The following SDK2 variants were observed in gnomAD, a reference collection of about 807,000 sequenced individuals.
SDK2 encodes the protein protein sidekick-2.
Under a neutral mutation model 253.9 loss-of-function variants are expected in SDK2, and 105 were observed. The observed-to-expected ratio is 0.41, with a 90% CI of 0.35 to 0.49. The LOEUF (loss-of-function observed/expected upper bound fraction) is 0.49, where lower values mean the gene tolerates loss of function less well. SDK2 is among the 20% of genes least tolerant of loss of function. SDK2 has a pLI of 0.06. For synonymous variants in SDK2, 1,249 were observed against 1,234.9 expected (o/e 1.01, Z -0.24); for missense variants, 2,608 against 3,003.0 (o/e 0.87, Z 3.07).
At chr17:73,613,375 T>TCCCCCTGGCCCCAGGC (rs2046002727) in intron 1 of SDK2, among the ~76,000 whole-genome samples, 1 of 112,096 alleles carries the variant, frequency 8.9e-6, no homozygotes, top group South Asian at 3.7e-4. Context: ...GCCCTCCAGG[T>TCCCCCTGGCCCCAGGC]CCCCCTGGCC....
intron 27 of SDK2, among the ~76,000 whole-genome samples, chr17:73,393,337 C>G (rs2062943982): frequency 6.6e-6 from 1 of 151,508 alleles, no homozygotes; most frequent in South Asian, 2.1e-4. Context: ...GAGACTGAAT[C>G]AGACGTCAAA....
At chr17:73,523,473 C>T (rs1406625267) in intron 1 of SDK2, among the ~76,000 whole-genome samples, 1 of 151,794 alleles carries the variant, frequency 6.6e-6, no homozygotes, top group Non-Finnish European at 1.5e-5. Flanking sequence ...TGAGAGGGGA[C>T]TCTAATCCCA....
intron 1 of SDK2, 137 bp from the exon 2 acceptor site, chr17:73,507,734 G>T: frequency 1.1e-6 from 1 of 912,190 alleles, no homozygotes; most frequent in Non-Finnish European, 1.6e-6. Flanking sequence ...TGGCTGGGAG[G>T]GACTTGAACC....
At chr17:73,418,954 C>G (rs1314111350) in intron 16 of SDK2, among the ~76,000 whole-genome samples, 1 of 152,120 alleles carries the variant, frequency 6.6e-6, no homozygotes, top group Non-Finnish European at 1.5e-5. Flanking sequence ...TCACGCATTC[C>G]TCGCTGGTGT....
rs1247418275 is a variant in SDK2 at position 73,495,655 on chromosome 17, TA to T, written c.224+11782del. On this transcript the variant is annotated intron_variant, in intron 2 of 44. Transcript: ENST00000392650. ...GTGTGTGTGTGTGTGTTTGTTTGTG[TA>T]TGTGTGTGTGTGCATGCGTGCTATG... Among the ~76,000 whole-genome samples the T allele has an allele frequency of 1.5e-3, 229 of 152,080 alleles. 2 individuals carry two copies. Among genetic ancestry groups the T allele is most frequent in the Middle Eastern group, 3.4e-3 (1 of 294 alleles).
intron 1 of SDK2, among the ~76,000 whole-genome samples, chr17:73,595,228 A>G (rs948907518): frequency 6.6e-6 from 1 of 151,768 alleles, no homozygotes; most frequent in Admixed American, 6.6e-5. Context: ...AGGAGGGAGG[A>G]AAGGGAGGTC....
At chr17:73,485,815 T>C (rs1358018925) in intron 2 of SDK2, among the ~76,000 whole-genome samples, 1 of 152,238 alleles carries the variant, frequency 6.6e-6, no homozygotes, top group Admixed American at 6.5e-5. Flanking sequence ...AGTTGAAGGT[T>C]GCCATAAACT....
intron 1 of SDK2, among the ~76,000 whole-genome samples, chr17:73,540,643 T>A (rs2044854277): frequency 6.6e-6 from 1 of 152,256 alleles, no homozygotes; most frequent in Non-Finnish European, 1.5e-5. Context: ...ACCCTGGTGC[T>A]ATGTCACTTG....
intron 1 of SDK2, among the ~76,000 whole-genome samples, chr17:73,619,166 CAAA>C (rs540815987): frequency 1.7e-4 from 15 of 90,216 alleles, no homozygotes; most frequent in Admixed American, 6.2e-4. Flanking sequence ...GACCCTGTCT[CAAA>C]AAAAAAAAAA....
chr17:73,480,658 G>C (rs1363159502), intron 2 of SDK2, among the ~76,000 whole-genome samples: 1 of 152,188 alleles, frequency 6.6e-6, no homozygotes, highest in African/African-American at 2.4e-5. Flanking sequence ...GAGACAGTCA[G>C]AGAGACAGAG....
At chr17:73,522,350 G>A (rs2064086916) in intron 1 of SDK2, among the ~76,000 whole-genome samples, 1 of 152,228 alleles carries the variant, frequency 6.6e-6, no homozygotes, top group Admixed American at 6.5e-5. Flanking sequence ...CTGGTGGCAG[G>A]TGGCATTCCC....
intron 1 of SDK2, among the ~76,000 whole-genome samples, chr17:73,637,125 C>A (rs1487219139): frequency 6.6e-6 from 1 of 152,148 alleles, no homozygotes; most frequent in Admixed American, 6.5e-5. Context: ...GAAGTAACAG[C>A]ACAGACTGGG....
At chr17:73,425,323 C>T (rs1305214212) in intron 12 of SDK2, among the ~76,000 whole-genome samples, 2 of 152,122 alleles carry the variant, frequency 1.3e-5, no homozygotes, top group East Asian at 3.9e-4. Context: ...AAAAAGAAAA[C>T]TCAAAAGTTT....
chr17:73,434,694 G>A lies in SDK2; in HGVS notation c.1195+756C>T, dbSNP rs936510426. On this transcript the variant is annotated intron_variant, in intron 9 of 44. Coordinates refer to ENST00000392650, the MANE Select transcript of SDK2 (RefSeq NM_001144952.2). ...CTCACTCTGTCACCCAGGCTGGAGT[G>A]CAGTGGCGCCATCTTGGCCTCTGCC... Among the ~76,000 whole-genome samples, 12 of 152,336 alleles carry A rather than the reference G, an allele frequency of 7.9e-5. 1 individual carries two copies. Among genetic ancestry groups the A allele is most frequent in the East Asian group, 3.9e-4 (2 of 5,184 alleles).
intron 1 of SDK2, among the ~76,000 whole-genome samples, chr17:73,554,221 A>T (rs1248468073): frequency 1.3e-5 from 2 of 152,202 alleles, no homozygotes; most frequent in African/African-American, 4.8e-5. Flanking sequence ...CCAGGCACAC[A>T]GGGGCAGCTC....
In SDK2 at chr17:73,450,896, A is replaced by G. The variant is rs780884943; in HGVS notation, c.480-3148T>C. 4.1e-4 allele frequency among the ~76,000 whole-genome samples: 63 copies of G among 152,188 alleles called. 1 individual carries two copies. The highest frequency in any genetic ancestry group is 3.5e-4 in the Non-Finnish European group (24 of 68,018). On this transcript the variant is annotated intron_variant, in intron 4 of 44. Transcript: ENST00000392650. ...AGATGTCAAGAGCGCCATGCCTGAC[A>G]TGGTCTGTCCTAGGTAGAGTGTATA...
intron 1 of SDK2, among the ~76,000 whole-genome samples, chr17:73,580,971 C>T (rs556805846): frequency 6.6e-6 from 1 of 152,250 alleles, no homozygotes; most frequent in East Asian, 1.9e-4. Context: ...CTGCTCACTG[C>T]AGCCTCGAAC....
At chr17:73,353,972 A>T (rs2062562904) in intron 40 of SDK2, among the ~76,000 whole-genome samples, 1 of 151,968 alleles carries the variant, frequency 6.6e-6, no homozygotes, top group African/African-American at 2.4e-5. Context: ...CCCAAAGAGG[A>T]TTACACGTGT....
At chr17:73,397,520 G>C (rs2062981568) in intron 24 of SDK2, among the ~76,000 whole-genome samples, 1 of 152,208 alleles carries the variant, frequency 6.6e-6, no homozygotes, top group African/African-American at 2.4e-5. Context: ...GCTGTCACAG[G>C]CTTGTTGTCA....
Sources: gnomAD v4.1 joint callset for allele counts (sites outside exome capture counted in the v4.1 genomes callset) on GRCh38, gnomAD v4.1.1 for gene constraint, MANE v1.5 for transcripts, NCBI Gene and HGNC (gene_info 2026-07-23, HGNC 2026-07-21) for gene names.